GABRB3: variants seen among roughly 807,000 people sequenced by gnomAD.
GABRB3 encodes the protein gamma-aminobutyric acid receptor subunit beta-3.
GABRB3 carries 14 observed loss-of-function variants against 52.1 expected under a neutral mutation model. The ratio of observed to expected loss-of-function variants is 0.27; its 90% CI spans 0.18 to 0.42. The LOEUF (loss-of-function observed/expected upper bound fraction) is 0.42. GABRB3 is among the 10% of genes least tolerant of loss of function. The pLI is 1.00. For missense variants in GABRB3, 307 were observed against 609.1 expected, an observed-to-expected ratio of 0.50 and a Z score of 5.22; for synonymous variants, 260 against 232.3, an observed-to-expected ratio of 1.12 and a Z score of -1.08.
chr15:26,678,450 G>A (rs868467495), intron 3 of GABRB3, among the ~76,000 whole-genome samples: 3 of 152,244 alleles, frequency 2.0e-5, no homozygotes, highest in African/African-American at 4.8e-5. Flanking sequence ...CCCAGGCCCC[G>A]TGCTCTTCCA....
chr15:26,719,866 A>G (rs17647185), intron 3 of GABRB3, among the ~76,000 whole-genome samples: 11,933 of 152,274 alleles, frequency 0.078, 527 homozygotes, highest in Middle Eastern at 0.17. Flanking sequence ...CTGACTGGTC[A>G]TTGAAACCTG....
chr15:26,615,833 T>C (rs1273182960), intron 4 of GABRB3: 2 of 1,215,864 alleles, frequency 1.6e-6, no homozygotes, highest in African/African-American at 1.6e-5. Flanking sequence ...TGTCCAGGGG[T>C]GAGAGAAATT....
At chr15:26,617,168 A>C (rs915548275) in intron 4 of GABRB3, among the ~76,000 whole-genome samples, 1 of 152,152 alleles carries the variant, frequency 6.6e-6, no homozygotes, top group Non-Finnish European at 1.5e-5. Flanking sequence ...AGGAACTGGT[A>C]CCATTCCTTC....
chr15:26,770,510 C>T (rs999663186), intron 3 of GABRB3, among the ~76,000 whole-genome samples: 1 of 152,170 alleles, frequency 6.6e-6, no homozygotes, highest in Non-Finnish European at 1.5e-5. Context: ...AGTTTTTAAA[C>T]GTACCAACTA....
chr15:26,711,673 G>A (rs1323051200), intron 3 of GABRB3, among the ~76,000 whole-genome samples: 1 of 152,140 alleles, frequency 6.6e-6, no homozygotes, highest in Non-Finnish European at 1.5e-5. Context: ...AAAATGTGGG[G>A]AACCAACCTG....
At chr15:26,628,976 C>A (rs778158362) in intron 3 of GABRB3, 9 of 1,536,042 alleles carry the variant, frequency 5.9e-6, no homozygotes, top group Non-Finnish European at 7.8e-6. Flanking sequence ...CCGACTTTTA[C>A]CTCTTCTGTC....
chr15:26,741,864 C>A (rs1225311973), intron 3 of GABRB3, among the ~76,000 whole-genome samples: 1 of 152,162 alleles, frequency 6.6e-6, no homozygotes, highest in African/African-American at 2.4e-5. Flanking sequence ...CCTGCCTTGG[C>A]CCTCCTCACT....
chr15:26,740,611 TG>T (rs1890178607), intron 3 of GABRB3, among the ~76,000 whole-genome samples: 1 of 152,118 alleles, frequency 6.6e-6, no homozygotes, highest in Non-Finnish European at 1.5e-5. Flanking sequence ...CTCTGTCCCG[TG>T]GGCACCCCAG....
chr15:26,657,671 T>A (rs1485578266), intron 3 of GABRB3, among the ~76,000 whole-genome samples: 1 of 152,224 alleles, frequency 6.6e-6, no homozygotes, highest in Non-Finnish European at 1.5e-5. Context: ...CATAGGTAAC[T>A]GAATTTCAAA....
chr15:26,627,020 G>A (rs1052529614), intron 3 of GABRB3, among the ~76,000 whole-genome samples: 2 of 152,178 alleles, frequency 1.3e-5, no homozygotes, highest in South Asian at 2.1e-4. Flanking sequence ...TGACTCTCTT[G>A]CTAGGGGCTA....
rs573243007 is a variant in GABRB3, at chr15:26,757,399, A to C, written c.240+15003T>G. On this transcript the variant is annotated intron_variant, in intron 3 of 8. Coordinates refer to ENST00000311550, the MANE Select transcript of GABRB3 (RefSeq NM_000814.6). ...GCTCACTCGCTCCTGGGCTCAAACCAAACATTCTCTTCATGAGTTTCTTCA... is the reference window on the plus strand; with the variant it reads ...GCTCACTCGCTCCTGGGCTCAAACCCAACATTCTCTTCATGAGTTTCTTCA... Among the ~76,000 whole-genome samples, 153 of 152,222 alleles carry C rather than the reference A, an allele frequency of 1.0e-3. 1 individual carries two copies. The highest frequency in any genetic ancestry group is 3.6e-3 in the African/African-American group (150 of 41,520).
chr15:26,731,282 T>A (rs1889904891), intron 3 of GABRB3, among the ~76,000 whole-genome samples: 1 of 152,216 alleles, frequency 6.6e-6, no homozygotes, highest in South Asian at 2.1e-4. Flanking sequence ...CATACATACT[T>A]ACTACAATGA....
intron 3 of GABRB3, among the ~76,000 whole-genome samples, chr15:26,755,443 T>C (rs2140176712): frequency 6.6e-6 from 1 of 152,324 alleles, no homozygotes; most frequent in South Asian, 2.1e-4. Flanking sequence ...GTGTATTCTA[T>C]TGCTCACCTA....
At chr15:26,615,898 T>C in intron 4 of GABRB3, 7 of 1,270,542 alleles carry the variant, frequency 5.5e-6, no homozygotes, top group South Asian at 1.3e-5. Flanking sequence ...AAGCACATAA[T>C]CAGTAGGAAA....
chr15:26,763,794 G>GGGTTATATCA (rs1467166746), intron 3 of GABRB3, among the ~76,000 whole-genome samples: 1 of 152,018 alleles, frequency 6.6e-6, no homozygotes, highest in Non-Finnish European at 1.5e-5. Context: ...AACACAGTCA[G>GGGTTATATCA]GGTTATATCA....
In GABRB3 at chr15:26,621,369, C is replaced by T. The variant is rs773544664; in HGVS notation, c.406G>A (p.Val136Met). 1.9e-6 allele frequency: 3 copies of T among 1,614,168 alleles called. No individual in the cohort carries two copies. The highest frequency in any genetic ancestry group is 2.5e-6 in the Non-Finnish European group (3 of 1,180,042). ...TGAAGACGGATCATGCGGTTTTTCA[C>T]TGTCACTCCATGCACAAATGACTTT... is the stretch of plus-strand genomic sequence containing the variant. ...DKKSFVHGVT[V>M]KNRMIRLHPD... is the part of the protein sequence containing the mutation. Residue 136 changes from valine to methionine, a missense_variant, in exon 4 of 9, where the codon GTG becomes ATG. Val to Met is a conservative substitution (Grantham distance 21, BLOSUM62 1). Coordinates refer to ENST00000311550, the MANE Select transcript of GABRB3 (RefSeq NM_000814.6). This position sits in a 1 kb window ranked among gnomAD's most constrained non-coding sequence, Gnocchi z 4.1.
At chr15:26,720,409 T>C (rs1179291492) in intron 3 of GABRB3, among the ~76,000 whole-genome samples, 1 of 152,200 alleles carries the variant, frequency 6.6e-6, no homozygotes, top group Admixed American at 6.5e-5. Context: ...CCTAGCTCAA[T>C]CACACAGCAT....
At chr15:26,710,255 T>TTTTTGTTTTG (rs945770039) in intron 3 of GABRB3, among the ~76,000 whole-genome samples, 1 of 152,114 alleles carries the variant, frequency 6.6e-6, no homozygotes, top group Non-Finnish European at 1.5e-5. Context: ...ATAATTTGTT[T>TTTTTGTTTTG]TTTTGTTTTG....
At chr15:26,606,800 A>C (rs1240186618) in intron 4 of GABRB3, among the ~76,000 whole-genome samples, 58 of 111,522 alleles carry the variant, frequency 5.2e-4, no homozygotes, top group South Asian at 2.8e-3. Flanking sequence ...ATAGATAGAT[A>C]TATCTATAGA....
Sources: gnomAD v4.1 joint callset for allele counts (sites outside exome capture counted in the v4.1 genomes callset) on GRCh38, gnomAD v4.1.1 for gene constraint, Gnocchi (gnomAD v3.1) non-coding constraint, MANE v1.5 for transcripts, NCBI Gene and HGNC (gene_info 2026-07-23, HGNC 2026-07-21) for gene names.